Variants in MORN5 observed in about 807,000 individuals in gnomAD.
MORN5 encodes MORN repeat containing 5.
In MORN5, 21 loss-of-function variants were observed where a neutral mutation model predicts 22.1. That is an observed-to-expected ratio of 0.95 (90% CI 0.67 to 1.37). The LOEUF (loss-of-function observed/expected upper bound fraction) is 1.37. Ranked by LOEUF, MORN5 falls within the 40% of genes most tolerant of loss-of-function variation. The pLI is 0.00. For missense variants in MORN5, 211 were observed against 215.1 expected, an observed-to-expected ratio of 0.98 and a Z score of 0.12; for synonymous variants, 73 against 74.0, an observed-to-expected ratio of 0.99 and a Z score of 0.07.
chr9:122,198,617 G>C (rs1829946291), intron 4 of MORN5, among the ~76,000 whole-genome samples: 2 of 152,164 alleles, frequency 1.3e-5, no homozygotes, highest in Admixed American at 1.3e-4. Flanking sequence ...AGGATGAGCA[G>C]GACTCGTTGA....
chr9:122,182,060 T>C (rs2118768573), intron 4 of MORN5, among the ~76,000 whole-genome samples: 1 of 152,272 alleles, frequency 6.6e-6, no homozygotes, highest in East Asian at 1.9e-4. Context: ...GCTTGGAAAA[T>C]GAGGTGCTGC....
At chr9:122,196,930 C>T (rs1588321423) in intron 4 of MORN5, among the ~76,000 whole-genome samples, 1 of 152,146 alleles carries the variant, frequency 6.6e-6, no homozygotes, top group East Asian at 1.9e-4. Context: ...CTAAATATCC[C>T]CTCAAGTGTC....
chr9:122,179,065 G>A (rs1382297773), intron 4 of MORN5, among the ~76,000 whole-genome samples: 2 of 152,108 alleles, frequency 1.3e-5, no homozygotes, highest in Non-Finnish European at 1.5e-5. Context: ...AGATCTACTC[G>A]GTAACCTAAA....
chr9:122,196,964 C>T (rs1391936813), intron 4 of MORN5, among the ~76,000 whole-genome samples: 1 of 152,190 alleles, frequency 6.6e-6, no homozygotes, highest in Non-Finnish European at 1.5e-5. Context: ...CTCCCCGAAT[C>T]TAGCACAATG....
chr9:122,167,004 TGCCCA>T, intron 2 of MORN5, 89 bp downstream of exon 2: 1 of 1,289,252 alleles, frequency 7.8e-7, no homozygotes. Context: ...CCCTGTCTGG[TGCCCA>T]CCTTGTTCCA....
At chr9:122,177,852 T>A (rs1184597839) in intron 4 of MORN5, among the ~76,000 whole-genome samples, 2 of 152,206 alleles carry the variant, frequency 1.3e-5, no homozygotes, top group Non-Finnish European at 2.9e-5. Flanking sequence ...TATAACAAGT[T>A]TCAATGCATC....
At chr9:122,192,383 G>A (rs1363847398) in intron 4 of MORN5, among the ~76,000 whole-genome samples, 2 of 152,202 alleles carry the variant, frequency 1.3e-5, no homozygotes, top group East Asian at 3.8e-4. Flanking sequence ...GGAGGTGTGA[G>A]GCCACTCGCT....
At chr9:122,195,083 G>A (rs1334928637) in intron 4 of MORN5, among the ~76,000 whole-genome samples, 3 of 151,752 alleles carry the variant, frequency 2.0e-5, no homozygotes, top group Non-Finnish European at 2.9e-5. Context: ...GACCATGAAA[G>A]AAAAGGGAGT....
At chr9:122,173,796 G>T (rs531300488) in intron 3 of MORN5, among the ~76,000 whole-genome samples, 27 of 152,268 alleles carry the variant, frequency 1.8e-4, no homozygotes, top group African/African-American at 5.3e-4. Context: ...TGAACATACA[G>T]GTTCCAGAGC....
At chr9:122,196,626 C>T (rs548124653) in intron 4 of MORN5, among the ~76,000 whole-genome samples, 7 of 152,280 alleles carry the variant, frequency 4.6e-5, no homozygotes, top group South Asian at 4.1e-4. Context: ...CCACCGCGCC[C>T]GGCAAAAGCC....
rs570271081 is a variant in MORN5, at chr9:122,187,075, T to C, written c.439+12448T>C. ...CAGAAATAGACCCCCCTTCCAGGGCTGGGGCCTGAAGTGAGATGACATGCA... is the reference window on the plus strand; with the variant it reads ...CAGAAATAGACCCCCCTTCCAGGGCCGGGGCCTGAAGTGAGATGACATGCA... On this transcript the variant is annotated intron_variant, in intron 4 of 4. Transcript: ENST00000373764. Among the ~76,000 whole-genome samples the C allele has an allele frequency of 7.2e-5, 11 of 152,374 alleles. 1 individual carries two copies. In the South Asian group the frequency reaches 2.1e-3, roughly 29 times the overall value.
At chr9:122,175,455 C>T in intron 4 of MORN5, 1 of 985,182 alleles carries the variant, frequency 1.0e-6, no homozygotes, top group Non-Finnish European at 1.2e-6. Context: ...GAGATCAATA[C>T]ACAAATAATA....
intron 4 of MORN5, 85 bp downstream of exon 4, chr9:122,174,712 C>G: frequency 6.2e-7 from 1 of 1,607,096 alleles, no homozygotes; most frequent in Non-Finnish European, 8.5e-7. Flanking sequence ...TATGCACACA[C>G]TTGATGAGAA....
intron 4 of MORN5, among the ~76,000 whole-genome samples, chr9:122,191,147 C>T (rs1212109307): frequency 6.6e-6 from 1 of 152,212 alleles, no homozygotes; most frequent in African/African-American, 2.4e-5. Flanking sequence ...CCTCTGCTCT[C>T]TGCACGTGAT....
rs147371412 is a variant in MORN5 at position 122,161,687 on chromosome 9, C to T, written c.47+1668C>T. ...GAGATGGGGTATTGGGCATTTTAGGCACAAAAAGTTGAGAAACTACATTAA... is the reference window on the plus strand; with the variant it reads ...GAGATGGGGTATTGGGCATTTTAGGTACAAAAAGTTGAGAAACTACATTAA... On this transcript the variant is annotated intron_variant, in intron 1 of 4. Coordinates refer to ENST00000373764, the MANE Select transcript of MORN5 (RefSeq NM_198469.4). 1.3e-3 allele frequency among the ~76,000 whole-genome samples: 194 copies of T among 152,264 alleles called. 3 individuals are homozygous for T. The highest frequency in any genetic ancestry group is 0.012 in the Admixed American group (176 of 15,292).
At chr9:122,187,132 G>A (rs1197674969) in intron 4 of MORN5, among the ~76,000 whole-genome samples, 1 of 152,250 alleles carries the variant, frequency 6.6e-6, no homozygotes, top group Non-Finnish European at 1.5e-5. Flanking sequence ...AGCAAGAACA[G>A]CGGCTGGCCC....
At chr9:122,184,498 A>G (rs943961959) in intron 4 of MORN5, among the ~76,000 whole-genome samples, 5 of 152,354 alleles carry the variant, frequency 3.3e-5, no homozygotes, top group Admixed American at 3.3e-4. Flanking sequence ...TAAATAACAT[A>G]TAGTTTATTC....
intron 4 of MORN5, among the ~76,000 whole-genome samples, chr9:122,199,103 G>A (rs1225081720): frequency 6.6e-6 from 1 of 152,130 alleles, no homozygotes; most frequent in Non-Finnish European, 1.5e-5. Context: ...AGAGATGATG[G>A]CAGCGTGCTG....
intron 2 of MORN5, among the ~76,000 whole-genome samples, chr9:122,167,305 C>G (rs1008814622): frequency 6.7e-6 from 1 of 149,814 alleles, no homozygotes; most frequent in African/African-American, 2.4e-5. Context: ...CTTGGCCTCC[C>G]AAAGTGCTGG....
Sources: allele counts gnomAD v4.1 joint callset (sites outside exome capture counted in the v4.1 genomes callset), GRCh38; gene constraint gnomAD v4.1.1; transcripts MANE v1.5; gene names NCBI Gene and HGNC (gene_info 2026-07-23, HGNC 2026-07-21).